The following DNM2 variants were observed in gnomAD, a reference collection of about 807,000 sequenced individuals.
The protein encoded by DNM2 is dynamin 2, also known as dynamin-2.
Under a neutral mutation model 99.0 loss-of-function variants are expected in DNM2, and 15 were observed. The observed-to-expected ratio is 0.15, with a 90% CI of 0.10 to 0.23. The LOEUF (loss-of-function observed/expected upper bound fraction) is 0.23. Ranked by LOEUF, DNM2 falls within the 10% of genes least tolerant of loss-of-function variation. The pLI is 1.00. For missense variants in DNM2, 742 were observed against 1,189.4 expected, an observed-to-expected ratio of 0.62 and a Z score of 5.53; for synonymous variants, 525 against 481.2, an observed-to-expected ratio of 1.09 and a Z score of -1.19.
intron 7 of DNM2, among the ~76,000 whole-genome samples, chr19:10,793,333 C>T (rs1358366286): frequency 2.0e-5 from 3 of 152,140 alleles, no homozygotes; most frequent in Non-Finnish European, 2.9e-5. Context: ...TGGGAGGTGG[C>T]GGGAACCTAT....
rs1464745378 is a variant in DNM2 at position 10,783,090 on chromosome 19, C to T, written c.819C>T (p.Gly273=). The change falls in exon 6 of 21, where the codon GGC becomes GGT. Residue 273 remains glycine, a synonymous_variant. Coordinates refer to ENST00000389253, the MANE Select transcript of DNM2 (RefSeq NM_001005361.3). ...ACCGGCACATGGCCGACCGCATGGG[C>T]ACGCCACATCTGCAGAAGACGCTGA... is the stretch of plus-strand genomic sequence containing the variant. The part of the protein sequence containing the change: ...PAYRHMADRM[G]TPHLQKTLNQ... 12 of 1,613,236 alleles carry T rather than the reference C, an allele frequency of 7.4e-6. No individual in the cohort carries two copies. The highest frequency in any genetic ancestry group is 9.3e-6 in the Non-Finnish European group (11 of 1,180,054).
At chr19:10,776,759 G>A (rs1384975001) in intron 4 of DNM2, among the ~76,000 whole-genome samples, 2 of 152,214 alleles carry the variant, frequency 1.3e-5, no homozygotes, top group East Asian at 1.9e-4. Context: ...TTGGGACTTT[G>A]CCGGCACTTG....
chr19:10,735,827 T>C (rs1240881778), intron 1 of DNM2, among the ~76,000 whole-genome samples: 4 of 152,156 alleles, frequency 2.6e-5, no homozygotes, highest in Admixed American at 2.6e-4. Context: ...TCTGGCACTA[T>C]TGAAAAGACC....
In DNM2 at chr19:10,772,329, T is replaced by C. The variant is rs1380237378; in HGVS notation, c.236-150T>C. The C allele has an allele frequency of 1.0e-6, 1 of 992,228 alleles. No homozygotes were observed. Among genetic ancestry groups the C allele is most frequent in the Non-Finnish European group, 1.6e-6 (1 of 638,892 alleles). 61.5% of individuals were successfully genotyped at this position (992,228 alleles called of 1,614,324 possible). A position where few individuals can be genotyped will look rare whatever the true frequency, so the allele number is the denominator to read the frequency against. ...CTCCTGACCTTGTGATCTGCCCACC[T>C]CTGCCTCCCAAAGTGCTGGGATTAC... On this transcript the variant is annotated intron_variant, in intron 2 of 20. Transcript: ENST00000389253. The surrounding 1 kb of genome is among the most constrained non-coding windows in gnomAD (Gnocchi z 4.9).
intron 1 of DNM2, among the ~76,000 whole-genome samples, chr19:10,731,555 T>C (rs2069319357): frequency 6.6e-6 from 1 of 152,164 alleles, no homozygotes; most frequent in African/African-American, 2.4e-5. Context: ...GGTTTTGCCA[T>C]GTTGGCCAGG....
intron 2 of DNM2, chr19:10,763,366 G>A (rs2070697205): frequency 6.6e-6 from 1 of 152,274 alleles, no homozygotes; most frequent in African/African-American, 2.4e-5. Flanking sequence ...ATGAGCTACC[G>A]CGCCTGGCAA....
intron 15 of DNM2, among the ~76,000 whole-genome samples, chr19:10,819,272 TAAAG>T (rs2146152630): frequency 6.6e-6 from 1 of 152,082 alleles, no homozygotes; most frequent in South Asian, 2.1e-4. Flanking sequence ...ATGATAATAA[TAAAG>T]AAAGGGAGTA....
intron 1 of DNM2, among the ~76,000 whole-genome samples, chr19:10,730,465 C>G (rs1599430215): frequency 6.7e-6 from 1 of 150,222 alleles, no homozygotes; most frequent in South Asian, 2.1e-4. Flanking sequence ...GGTGACAGAG[C>G]GAGACCCTGT....
chr19:10,813,050 G>C (rs1222076882), intron 15 of DNM2, among the ~76,000 whole-genome samples: 1 of 152,222 alleles, frequency 6.6e-6, no homozygotes. Context: ...GGGGCACCGG[G>C]GTTCCATCAC....
chr19:10,767,602 G>A (rs2070840058), intron 2 of DNM2, among the ~76,000 whole-genome samples: 1 of 152,218 alleles, frequency 6.6e-6, no homozygotes, highest in Non-Finnish European at 1.5e-5. Flanking sequence ...TCGGCCTGGT[G>A]GAAGCTTTTA....
chr19:10,802,252 G>A, intron 11 of DNM2, 36 bp from the exon 12 acceptor site: 1 of 1,612,786 alleles, frequency 6.2e-7, no homozygotes. Context: ...TGCCAGGCTT[G>A]GCCTTGTACT....
In DNM2 at chr19:10,775,531, A is replaced by T. The variant is rs997781232; in HGVS notation, c.386-172A>T. 1.3e-5 allele frequency among the ~76,000 whole-genome samples: 2 copies of T among 152,136 alleles called. No homozygotes were observed. Among genetic ancestry groups the T allele is most frequent in the Admixed American group, 1.3e-4 (2 of 15,262 alleles). On this transcript the variant is annotated intron_variant, in intron 3 of 20. Transcript: ENST00000389253. The surrounding 1 kb of genome is among the most constrained non-coding windows in gnomAD (Gnocchi z 4.3). The stretch of plus-strand genomic sequence containing the variant: ...AGGTAGAAGGTATCTGTAGGATGGG[A>T]TCCTAGAAGGGGAGTTACTGGATCA...
chr19:10,794,116 A>G lies in DNM2; in HGVS notation c.1128+261A>G, dbSNP rs536232947. 4.6e-5 allele frequency among the ~76,000 whole-genome samples: 7 copies of G among 152,356 alleles called. No individual in the cohort carries two copies. In the East Asian group the frequency reaches 7.7e-4, roughly 17 times the overall value. ...CCAATATACATTCTTTGCAAAATAC[A>G]TAGAAAATACAGATAAATTTACATG... On this transcript the variant is annotated intron_variant, in intron 8 of 20. Transcript: ENST00000389253.
At chr19:10,741,232 T>A (rs528720739) in intron 1 of DNM2, among the ~76,000 whole-genome samples, 1 of 152,268 alleles carries the variant, frequency 6.6e-6, no homozygotes, top group African/African-American at 2.4e-5. Flanking sequence ...CTTTCTTTCT[T>A]TTTTCTTTTC....
chr19:10,793,860 T>C lies in DNM2; in HGVS notation c.1128+5T>C, dbSNP rs2071835923. On this transcript the variant is annotated splice_donor_5th_base_variant and intron_variant, in intron 8 of 20. Coordinates refer to ENST00000389253, the MANE Select transcript of DNM2 (RefSeq NM_001005361.3). ...TTCCCATTTGAGCTGGTGAAGGTAG[T>C]GCCCCCCGGGGCTGGGCCCTCCCGT... The C allele has an allele frequency of 6.2e-7, 1 of 1,614,164 alleles. No homozygotes were observed. Among genetic ancestry groups the C allele is most frequent in the Non-Finnish European group, 8.5e-7 (1 of 1,180,022 alleles).
At chr19:10,721,549 T>G (rs8113457) in intron 1 of DNM2, among the ~76,000 whole-genome samples, 12,751 of 152,026 alleles carry the variant, frequency 0.084, 566 homozygotes, top group Middle Eastern at 0.11. Context: ...TACTTTTTTT[T>G]GGGGGGGTGT....
chr19:10,830,888 G>A lies in DNM2; in HGVS notation c.2544-90G>A. 6.8e-7 allele frequency: 1 copy of A among 1,460,638 alleles called. No homozygotes were observed. Among genetic ancestry groups the A allele is most frequent in the Non-Finnish European group, 9.2e-7 (1 of 1,084,010 alleles). 90.5% of individuals were successfully genotyped at this position (1,460,638 alleles called of 1,614,324 possible). ...GGGAACACCCTGGGGTGGTGTGTGGGTGGGGGCTGGGTCCTCAACCCAGGC... is the reference window on the plus strand; with the variant it reads ...GGGAACACCCTGGGGTGGTGTGTGGATGGGGGCTGGGTCCTCAACCCAGGC... On this transcript the variant is annotated intron_variant, in intron 20 of 20. Transcript: ENST00000389253. This position sits in a 1 kb window ranked among gnomAD's most constrained non-coding sequence, Gnocchi z 4.8.
chr19:10,831,230 G>A lies in DNM2; in HGVS notation c.*183G>A, dbSNP rs1599644074. The A allele has an allele frequency of 8.1e-6, 11 of 1,352,794 alleles. No individual in the cohort carries two copies. Among genetic ancestry groups the A allele is most frequent in the Admixed American group, 3.6e-5 (1 of 28,080 alleles). 83.8% of individuals were successfully genotyped at this position (1,352,794 alleles called of 1,614,324 possible). A position where few individuals can be genotyped will look rare whatever the true frequency, so the allele number is the denominator to read the frequency against. ...TGTGCCTGGCTGGACACCGCACTGC[G>A]CAAAGGGGCCCTGGAGCTCCAGGCA... On this transcript the variant is annotated 3_prime_UTR_variant, in exon 21 of 21. Coordinates refer to ENST00000389253, the MANE Select transcript of DNM2 (RefSeq NM_001005361.3). The surrounding 1 kb of genome is among the most constrained non-coding windows in gnomAD (Gnocchi z 4.3).
At chr19:10,743,912 G>A (rs1038707444) in intron 1 of DNM2, among the ~76,000 whole-genome samples, 1 of 151,282 alleles carries the variant, frequency 6.6e-6, no homozygotes, top group Non-Finnish European at 1.5e-5. Context: ...GCTTGAACTC[G>A]GGAGGCAAGG....
Sources: gnomAD v4.1 joint callset for allele counts (sites outside exome capture counted in the v4.1 genomes callset) on GRCh38, gnomAD v4.1.1 for gene constraint, Gnocchi (gnomAD v3.1) non-coding constraint, MANE v1.5 for transcripts, NCBI Gene and HGNC (gene_info 2026-07-23, HGNC 2026-07-21) for gene names.